Variants in SYNPR observed in about 807,000 individuals in gnomAD.
The protein encoded by SYNPR is synaptoporin.
Under a neutral mutation model 32.9 loss-of-function variants are expected in SYNPR, and 23 were observed. That is an observed-to-expected ratio of 0.70 (90% CI 0.50 to 0.99). SYNPR has a LOEUF of 0.99. SYNPR is among the 50% of genes least tolerant of loss of function. The pLI is 0.00. For missense variants in SYNPR, 318 were observed against 349.3 expected, an observed-to-expected ratio of 0.91 and a Z score of 0.71; for synonymous variants, 146 against 135.9, an observed-to-expected ratio of 1.07 and a Z score of -0.52.
the SYNPR span, among the ~76,000 whole-genome samples, chr3:63,206,733 A>C: frequency 6.6e-6 from 1 of 152,332 alleles, no homozygotes; most frequent in South Asian, 2.1e-4. Flanking sequence ...TCAGTCACTT[A>C]GCATTCCTTG....
chr3:63,467,131 C>T (rs1321706839), intron 2 of SYNPR, among the ~76,000 whole-genome samples: 1 of 152,146 alleles, frequency 6.6e-6, no homozygotes, highest in African/African-American at 2.4e-5. Context: ...CCACCTGAGC[C>T]TCCCAAGTAG....
intron 3 of SYNPR, among the ~76,000 whole-genome samples, chr3:63,509,272 T>TTA (rs71671681): frequency 0.079 from 6,982 of 88,518 alleles, 256 homozygotes; most frequent in East Asian, 0.23. Context: ...AGGCTGAAAG[T>TTA]TATATATATG....
intron 3 of SYNPR, among the ~76,000 whole-genome samples, chr3:63,538,427 G>C (rs931615890): frequency 6.6e-6 from 1 of 151,914 alleles, no homozygotes; most frequent in Non-Finnish European, 1.5e-5. Context: ...ATTCTCGGTG[G>C]AGTCAGAACT....
chr3:63,356,365 G>T (rs566124199), intron 2 of SYNPR, among the ~76,000 whole-genome samples: 2 of 152,318 alleles, frequency 1.3e-5, no homozygotes, highest in African/African-American at 4.8e-5. Context: ...TATTCAAGGT[G>T]TCCACCAATA....
chr3:63,449,293 C>T (rs1700337550), intron 2 of SYNPR, among the ~76,000 whole-genome samples: 1 of 152,068 alleles, frequency 6.6e-6, no homozygotes, highest in South Asian at 2.1e-4. Context: ...TGGGTACCCT[C>T]TTTAAGCCAA....
intron 3 of SYNPR, among the ~76,000 whole-genome samples, chr3:63,552,310 T>C (rs1280625936): frequency 6.6e-6 from 1 of 152,212 alleles, no homozygotes; most frequent in East Asian, 1.9e-4. Flanking sequence ...TGTGTCAGAA[T>C]AATTGACATG....
At chr3:63,377,656 C>G (rs997023689) in intron 2 of SYNPR, among the ~76,000 whole-genome samples, 2 of 151,784 alleles carry the variant, frequency 1.3e-5, no homozygotes, top group African/African-American at 4.8e-5. Context: ...TTCATGAAGA[C>G]ACAATTCTCT....
intron 2 of SYNPR, among the ~76,000 whole-genome samples, chr3:63,294,313 G>C (rs1704110149): frequency 6.6e-6 from 1 of 152,094 alleles, no homozygotes; most frequent in Admixed American, 6.6e-5. Context: ...CCTCCAATGA[G>C]GTGTTATCAG....
intron 2 of SYNPR, among the ~76,000 whole-genome samples, chr3:63,253,331 T>G (rs928475015): frequency 6.6e-6 from 1 of 152,116 alleles, no homozygotes; most frequent in Non-Finnish European, 1.5e-5. Context: ...TTCTCCAAGC[T>G]CTGAAGGAAA....
chr3:63,599,858 G>A (rs1700013098), intron 4 of SYNPR, among the ~76,000 whole-genome samples: 1 of 152,094 alleles, frequency 6.6e-6, no homozygotes. Flanking sequence ...TTTCTAAGTA[G>A]TACATATAAT....
At chr3:63,412,322 T>A (rs550964422) in intron 2 of SYNPR, among the ~76,000 whole-genome samples, 1 of 152,210 alleles carries the variant, frequency 6.6e-6, no homozygotes, top group South Asian at 2.1e-4. Context: ...GCACTGAAAA[T>A]ATTTCTTTAT....
intron 2 of SYNPR, among the ~76,000 whole-genome samples, chr3:63,411,777 A>G (rs1371634670): frequency 6.6e-6 from 1 of 152,170 alleles, no homozygotes; most frequent in Non-Finnish European, 1.5e-5. Context: ...CTTTGGTGGT[A>G]CTGGGGAGTC....
intron 3 of SYNPR, among the ~76,000 whole-genome samples, chr3:63,521,287 TATA>T (rs752912842): frequency 2.3e-4 from 35 of 152,200 alleles, no homozygotes; most frequent in Non-Finnish European, 4.3e-4. Context: ...TCTTGGTAAA[TATA>T]ATAAGTGACC....
intron 3 of SYNPR, among the ~76,000 whole-genome samples, chr3:63,499,329 T>C (rs1039202074): frequency 1.2e-4 from 18 of 152,264 alleles, no homozygotes; most frequent in Admixed American, 8.5e-4. Flanking sequence ...ATTTTGGACA[T>C]GTAAATCTGT....
chr3:63,614,934 C>T (rs1227572146), intron 5 of SYNPR, among the ~76,000 whole-genome samples: 1 of 152,208 alleles, frequency 6.6e-6, no homozygotes, highest in African/African-American at 2.4e-5. Flanking sequence ...CTTAGACAAG[C>T]TTTCCACATC....
intron 3 of SYNPR, among the ~76,000 whole-genome samples, chr3:63,502,323 C>A (rs959108508): frequency 2.6e-5 from 4 of 151,916 alleles, no homozygotes; most frequent in South Asian, 2.1e-4. Context: ...CACATGCATA[C>A]CTTCCCCCTT....
intron 2 of SYNPR, among the ~76,000 whole-genome samples, chr3:63,384,619 A>G (rs1050944578): frequency 2.0e-5 from 3 of 152,214 alleles, no homozygotes; most frequent in African/African-American, 7.2e-5. Context: ...AAGACCATTC[A>G]TTGAAATGAT....
chr3:63,496,753 T>C (rs1701381311), intron 3 of SYNPR, among the ~76,000 whole-genome samples: 1 of 152,120 alleles, frequency 6.6e-6, no homozygotes. Context: ...AAGAATATGC[T>C]CACATTTCTT....
intron 3 of SYNPR, among the ~76,000 whole-genome samples, chr3:63,485,761 T>C (rs569140488): frequency 1.3e-5 from 2 of 152,322 alleles, no homozygotes; most frequent in East Asian, 3.9e-4. Context: ...TTTACGACCT[T>C]GGTTGAACAA....
Sources: gnomAD v4.1 joint callset for allele counts (sites outside exome capture counted in the v4.1 genomes callset) on GRCh38, gnomAD v4.1.1 for gene constraint, MANE v1.5 for transcripts, NCBI Gene and HGNC (gene_info 2026-07-23, HGNC 2026-07-21) for gene names.